Variants in ASIC2 observed in about 807,000 individuals in gnomAD.
ASIC2 encodes the protein acid sensing ion channel subunit 2, also known as acid-sensing ion channel 2.
A neutral mutation model predicts 57.3 loss-of-function variants in ASIC2; 25 were observed. The observed-to-expected ratio is 0.44, with a 90% CI of 0.32 to 0.61. The LOEUF is 0.61. ASIC2 is among the 20% of genes least tolerant of loss of function. ASIC2 has a pLI of 0.06. For synonymous variants in ASIC2, 319 were observed against 307.5 expected (o/e 1.04, Z -0.39); for missense variants, 641 against 738.1 (o/e 0.87, Z 1.52).
At chr17:33,433,434 A>C (rs947555772) in intron 1 of ASIC2, among the ~76,000 whole-genome samples, 3 of 152,216 alleles carry the variant, frequency 2.0e-5, no homozygotes, top group Non-Finnish European at 4.4e-5. Flanking sequence ...GGATCAGGAA[A>C]AAATAACCAG....
chr17:33,880,627 C>A (rs1914675510), intron 1 of ASIC2, among the ~76,000 whole-genome samples: 1 of 152,090 alleles, frequency 6.6e-6, no homozygotes. Context: ...AGCTTACCAA[C>A]CAAAAAAAGT....
chr17:33,073,124 C>G (rs142844063), intron 3 of ASIC2, among the ~76,000 whole-genome samples: 307 of 152,296 alleles, frequency 2.0e-3, no homozygotes, highest in African/African-American at 7.1e-3. Flanking sequence ...GAGGGAATAG[C>G]CGGGAGCAAA....
rs114250854 is a variant in ASIC2 at position 33,427,880 on chromosome 17, C to T, written c.556-315813G>A. Among the ~76,000 whole-genome samples the T allele has an allele frequency of 4.4e-3, 663 of 152,316 alleles. 2 individuals carry two copies. Among genetic ancestry groups the T allele is most frequent in the African/African-American group, 0.015 (629 of 41,562 alleles). On this transcript the variant is annotated intron_variant, in intron 1 of 9. Transcript: ENST00000359872. Reference sequence around the variant, plus strand: ...AAATGATGGAGTGTGACTTTCAAGGCTGGGCCATAAAACACACCGTGGCTC... The same window carrying T: ...AAATGATGGAGTGTGACTTTCAAGGTTGGGCCATAAAACACACCGTGGCTC...
intron 1 of ASIC2, among the ~76,000 whole-genome samples, chr17:33,476,018 C>T (rs990692827): frequency 7.2e-5 from 11 of 152,278 alleles, no homozygotes; most frequent in African/African-American, 2.6e-4. Flanking sequence ...TTTGGTAGCC[C>T]TGTTCACTAA....
At chr17:33,409,832 C>T (rs6505341) in intron 1 of ASIC2, among the ~76,000 whole-genome samples, 53,547 of 151,796 alleles carry the variant, frequency 0.35, 9,505 homozygotes, top group South Asian at 0.4. Context: ...CCAGTTTGGG[C>T]GGCCTCTTGG....
At chr17:34,048,358 G>C (rs987898539) in intron 1 of ASIC2, among the ~76,000 whole-genome samples, 2 of 152,036 alleles carry the variant, frequency 1.3e-5, no homozygotes, top group African/African-American at 4.8e-5. Flanking sequence ...ATTCCTCTTG[G>C]TGCTTCAGAT....
At chr17:33,314,542 G>T (rs1906563445) in intron 1 of ASIC2, among the ~76,000 whole-genome samples, 1 of 152,218 alleles carries the variant, frequency 6.6e-6, no homozygotes, top group Non-Finnish European at 1.5e-5. Context: ...TCTCACTGAA[G>T]TCTGCCCTTC....
intron 1 of ASIC2, among the ~76,000 whole-genome samples, chr17:33,285,925 C>T (rs145123967): frequency 6.6e-6 from 1 of 152,348 alleles, no homozygotes; most frequent in Non-Finnish European, 1.5e-5. Context: ...AAAATTCTCA[C>T]CGCAAGTCAT....
Position 33,291,772 on chromosome 17 carries a change from G to A in ASIC2, c.344C>T (p.Pro115Leu). The stretch of plus-strand genomic sequence containing the variant: ...CTCGCGGTGCACCCGCGTGTGTGAC[G>A]GGAAGCTGAGCCAGTAGAGCAAGCG... ...SNRLLYWLSF[P>L]SHTRVHREWS... Residue 115 changes from proline to leucine, a missense_variant, in exon 1 of 10, where the codon CCG becomes CTG. Physicochemically the swap from Pro to Leu is moderately conservative, Grantham distance 98 (BLOSUM62 -3). This residue lies in a region of ASIC2 where 382 missense variants were observed against 398.0 expected (regional missense o/e 0.96). Coordinates refer to ENST00000225823, the MANE Select transcript of ASIC2 (RefSeq NM_183377.2). The A allele has an allele frequency of 6.2e-7, 1 of 1,613,772 alleles. No homozygotes were observed. The highest frequency in any genetic ancestry group is 8.5e-7 in the Non-Finnish European group (1 of 1,179,906).
At position 33,017,642 on chromosome 17, in the gene ASIC2, A is replaced by C; in HGVS notation, c.1484T>G (p.Ile495Ser). The C allele has an allele frequency of 6.2e-7, 1 of 1,613,900 alleles. No individual in the cohort carries two copies. The highest frequency in any genetic ancestry group is 8.5e-7 in the Non-Finnish European group (1 of 1,179,766). The change falls in exon 8 of 10, where the codon ATC becomes AGC. Residue 495 changes from isoleucine to serine, a missense_variant. Transcript: ENST00000225823. ...ATCAAAGAGCTCTAGTATTGTAAGGATACTAGCACCAATGAACAATCCCAT... is the reference window on the plus strand; with the variant it reads ...ATCAAAGAGCTCTAGTATTGTAAGGCTACTAGCACCAATGAACAATCCCAT... ...GQMGLFIGAS[I>S]LTILELFDYI...
chr17:33,268,129 C>G (rs529122621), intron 1 of ASIC2, among the ~76,000 whole-genome samples: 1 of 152,280 alleles, frequency 6.6e-6, no homozygotes, highest in Non-Finnish European at 1.5e-5. Context: ...CCTGACCTGA[C>G]AGAGGAGTGA....
At position 33,687,428 on chromosome 17, in the gene ASIC2, C is replaced by A. The variant is rs75763264; in HGVS notation, c.555+468550G>T. Among the ~76,000 whole-genome samples, 2,921 of 152,252 alleles carry A rather than the reference C, an allele frequency of 0.019. 35 individuals are homozygous for A. The Middle Eastern group carries it at 0.19, about 10-fold the overall frequency. On this transcript the variant is annotated intron_variant, in intron 1 of 9. Coordinates refer to the ASIC2 transcript ENST00000359872. ...GCTACCCAGGGTGATGTTTCTCATG[C>A]GTCAGGATAGATTCTTCCAACACTG...
intron 1 of ASIC2, among the ~76,000 whole-genome samples, chr17:33,199,890 C>T (rs1280404118): frequency 6.6e-6 from 1 of 152,158 alleles, no homozygotes; most frequent in Non-Finnish European, 1.5e-5. Context: ...ACAAAATCCA[C>T]ACAAGCCAGC....
At chr17:34,057,647 G>T (rs778998484) in intron 1 of ASIC2, among the ~76,000 whole-genome samples, 8 of 152,150 alleles carry the variant, frequency 5.3e-5, no homozygotes, top group Non-Finnish European at 1.2e-4. Flanking sequence ...AAGTGAGGAA[G>T]TAAGGAAAAA....
At chr17:33,172,876 A>C (rs1413920044) in intron 1 of ASIC2, among the ~76,000 whole-genome samples, 1 of 152,182 alleles carries the variant, frequency 6.6e-6, no homozygotes, top group African/African-American at 2.4e-5. Flanking sequence ...CACTTCATGC[A>C]AAAGTTTGAG....
At chr17:33,323,143 A>C (rs1906934741) in intron 1 of ASIC2, among the ~76,000 whole-genome samples, 2 of 152,206 alleles carry the variant, frequency 1.3e-5, no homozygotes, top group South Asian at 4.1e-4. Flanking sequence ...AAAGTGAAAC[A>C]TATGGCTACC....
In ASIC2 at chr17:33,076,821, A is replaced by G. The variant is rs539132327; in HGVS notation, c.987+12042T>C. Among the ~76,000 whole-genome samples the G allele has an allele frequency of 1.8e-4, 27 of 152,328 alleles. 1 individual carries two copies. In the South Asian group the frequency reaches 5.0e-3, roughly 28 times the overall value. On this transcript the variant is annotated intron_variant, in intron 3 of 9. Transcript: ENST00000225823. Reference sequence around the variant, plus strand: ...GGCATCTTCCCTCCTCAGTATAATCATCCTTCTATTGATGAACATTTAAGT... The same window carrying G: ...GGCATCTTCCCTCCTCAGTATAATCGTCCTTCTATTGATGAACATTTAAGT...
chr17:33,306,184 G>A (rs1040957400), intron 1 of ASIC2, among the ~76,000 whole-genome samples: 2 of 152,236 alleles, frequency 1.3e-5, no homozygotes, highest in Non-Finnish European at 2.9e-5. Flanking sequence ...CAGTTCTAAC[G>A]TTCATGCCTC....
chr17:33,532,548 G>A (rs935462103), intron 1 of ASIC2, among the ~76,000 whole-genome samples: 5 of 152,190 alleles, frequency 3.3e-5, no homozygotes, highest in African/African-American at 1.2e-4. Flanking sequence ...AGCAGAGCAA[G>A]TGAATAGGAA....
Sources: gnomAD v4.1 joint callset for allele counts (sites outside exome capture counted in the v4.1 genomes callset) on GRCh38, gnomAD v4.1.1 for gene constraint, gnomAD v4.1.1 regional missense constraint, MANE v1.5 for transcripts, NCBI Gene and HGNC (gene_info 2026-07-23, HGNC 2026-07-21) for gene names.